Variants in RNF24 observed in about 807,000 individuals in gnomAD.
RNF24 encodes the protein ring finger protein 24.
Under a neutral mutation model 20.0 loss-of-function variants are expected in RNF24, and 14 were observed. The ratio of observed to expected loss-of-function variants is 0.70; its 90% CI spans 0.46 to 1.10. RNF24 has a LOEUF of 1.10. RNF24 is among the 50% of genes least tolerant of loss of function. RNF24 has a pLI of 0.00. For synonymous variants in RNF24, 45 were observed against 61.1 expected, an observed-to-expected ratio of 0.74 and a Z score of 1.23; for missense variants, 124 against 177.6, an observed-to-expected ratio of 0.70 and a Z score of 1.71.
intron 1 of RNF24, among the ~76,000 whole-genome samples, chr20:4,002,094 T>C (rs571429111): frequency 1.3e-5 from 2 of 150,834 alleles, no homozygotes; most frequent in South Asian, 4.2e-4. Context: ...CTACCAAAAA[T>C]ACAAAAATTA....
At chr20:4,013,750 G>T (rs1195433411) in intron 1 of RNF24, among the ~76,000 whole-genome samples, 1 of 152,162 alleles carries the variant, frequency 6.6e-6, no homozygotes, top group African/African-American at 2.4e-5. Context: ...CCCCCAAAGT[G>T]CTGGGATTAC....
At chr20:3,939,253 G>A (rs969457275) in intron 4 of RNF24, among the ~76,000 whole-genome samples, 1 of 152,106 alleles carries the variant, frequency 6.6e-6, no homozygotes, top group Non-Finnish European at 1.5e-5. Context: ...TCAGCCCCCT[G>A]AGGAGCTGGG....
intron 3 of RNF24, among the ~76,000 whole-genome samples, chr20:3,945,670 G>A (rs1178621494): frequency 2.0e-5 from 3 of 150,026 alleles, no homozygotes; most frequent in East Asian, 1.9e-4. Context: ...AGCCGAGATC[G>A]TGCCATTGCA....
intron 4 of RNF24, among the ~76,000 whole-genome samples, chr20:3,942,584 T>C (rs2090969886): frequency 6.6e-6 from 1 of 151,944 alleles, no homozygotes; most frequent in Non-Finnish European, 1.5e-5. Flanking sequence ...GCCATTCTCC[T>C]GCCTCAGCCT....
chr20:3,934,020 ACACAGACGTCGTGTCCAG>A lies in RNF24; in HGVS notation c.*25_*42del. Reference sequence around the variant, plus strand: ...CACCACATGTGTTCCTCCTGGCTCCACACAGACGTCGTGTCCAGCAACAGTCTGATCCTTGCGGTAAGC... The same window carrying A: ...CACCACATGTGTTCCTCCTGGCTCCACAACAGTCTGATCCTTGCGGTAAGC... On this transcript the variant is annotated 3_prime_UTR_variant, in exon 6 of 6. Transcript: ENST00000358395. This position sits in a 1 kb window ranked among gnomAD's most constrained non-coding sequence, Gnocchi z 4.0. The A allele has an allele frequency of 7.0e-7, 1 of 1,419,904 alleles. No individual in the cohort carries two copies. Among genetic ancestry groups the A allele is most frequent in the African/African-American group, 1.5e-5 (1 of 67,368 alleles). 88.0% of individuals were successfully genotyped at this position (1,419,904 alleles called of 1,614,324 possible). A position where few individuals can be genotyped will look rare whatever the true frequency, so the allele number is the denominator to read the frequency against.
At chr20:3,945,342 G>A in intron 3 of RNF24, 124 bp from the exon 4 acceptor site, 2 of 962,882 alleles carry the variant, frequency 2.1e-6, no homozygotes, top group Non-Finnish European at 3.0e-6. Context: ...CAATATTGAA[G>A]GGAATTTCTT....
intron 1 of RNF24, among the ~76,000 whole-genome samples, chr20:3,999,079 C>G (rs1485730902): frequency 6.6e-6 from 1 of 151,646 alleles, no homozygotes; most frequent in Non-Finnish European, 1.5e-5. Flanking sequence ...GACTCTGTCT[C>G]AAAAAACAAA....
intron 1 of RNF24, among the ~76,000 whole-genome samples, chr20:4,014,269 AAAGC>A (rs1982696466): frequency 6.6e-6 from 1 of 152,246 alleles, no homozygotes; most frequent in South Asian, 2.1e-4. Context: ...AGGGGAAAAA[AAAGC>A]AAGGAGGTAG....
At chr20:4,000,010 G>A (rs1266114292) in intron 1 of RNF24, among the ~76,000 whole-genome samples, 1 of 152,112 alleles carries the variant, frequency 6.6e-6, no homozygotes, top group African/African-American at 2.4e-5. Flanking sequence ...GAAGGGGGAG[G>A]AGCGGGGAGA....
intron 1 of RNF24, among the ~76,000 whole-genome samples, chr20:3,964,728 G>T (rs2143237): frequency 6.6e-6 from 1 of 152,066 alleles, no homozygotes; most frequent in Non-Finnish European, 1.5e-5. Context: ...ATGTTGCCTA[G>T]GCTGGTCTTG....
At chr20:3,977,986 A>G (rs946329061) in intron 1 of RNF24, among the ~76,000 whole-genome samples, 3 of 152,176 alleles carry the variant, frequency 2.0e-5, no homozygotes, top group Admixed American at 6.5e-5. Flanking sequence ...AGACACAAAG[A>G]ATAAGTTCTA....
intron 1 of RNF24, among the ~76,000 whole-genome samples, chr20:4,007,754 A>G (rs576281243): frequency 4.2e-4 from 63 of 150,974 alleles, no homozygotes; most frequent in Middle Eastern, 3.4e-3. Flanking sequence ...AAAAAAAAAA[A>G]AAAGAAAAAA....
At chr20:4,005,625 T>C (rs1043743515) in intron 1 of RNF24, among the ~76,000 whole-genome samples, 7 of 152,208 alleles carry the variant, frequency 4.6e-5, no homozygotes, top group African/African-American at 1.7e-4. Flanking sequence ...AAAGAGACTA[T>C]TTAGATATAA....
At chr20:3,998,626 T>A (rs532360432) in intron 1 of RNF24, among the ~76,000 whole-genome samples, 1 of 133,246 alleles carries the variant, frequency 7.5e-6, no homozygotes, top group African/African-American at 2.9e-5. Flanking sequence ...CGTGGTGGCG[T>A]GTGCCTGTAA....
At chr20:3,944,430 C>G (rs779920039) in intron 4 of RNF24, among the ~76,000 whole-genome samples, 1 of 152,160 alleles carries the variant, frequency 6.6e-6, no homozygotes, top group Non-Finnish European at 1.5e-5. Context: ...AAGAGACTGG[C>G]AATTTAGCTT....
intron 1 of RNF24, among the ~76,000 whole-genome samples, chr20:3,982,135 C>CTCTCTCTCTCTCT (rs1555799853): frequency 6.7e-6 from 1 of 149,436 alleles, no homozygotes; most frequent in African/African-American, 2.5e-5. Flanking sequence ...CTCTCTCTCT[C>CTCTCTCTCTCTCT]AATAAATAAA....
chr20:4,011,529 C>G (rs1191348350), intron 1 of RNF24, among the ~76,000 whole-genome samples: 1 of 152,154 alleles, frequency 6.6e-6, no homozygotes, highest in Non-Finnish European at 1.5e-5. Context: ...AGAGAGGGGG[C>G]TCCAGCAGGA....
chr20:3,976,270 G>A lies in RNF24; in HGVS notation c.-7-12246C>T, dbSNP rs73588483. Among the ~76,000 whole-genome samples the A allele has an allele frequency of 7.5e-3, 1,144 of 152,262 alleles. 12 individuals are homozygous for A. Among genetic ancestry groups the A allele is most frequent in the African/African-American group, 0.025 (1,055 of 41,544 alleles). ...ACAGATGGTAAATAAGTACATAAAC[G>A]TATGTTCAAAATCATTAGCTATTAG... On this transcript the variant is annotated intron_variant, in intron 1 of 5. Coordinates refer to ENST00000358395, the MANE Select transcript of RNF24 (RefSeq NM_001134337.3).
At chr20:3,962,679 T>C (rs918768816) in intron 2 of RNF24, among the ~76,000 whole-genome samples, 4 of 151,656 alleles carry the variant, frequency 2.6e-5, no homozygotes, top group Admixed American at 1.3e-4. Flanking sequence ...ATGATATTTA[T>C]ATCCCATTGT....
Sources: gnomAD v4.1 joint callset for allele counts (sites outside exome capture counted in the v4.1 genomes callset) on GRCh38, gnomAD v4.1.1 for gene constraint, Gnocchi (gnomAD v3.1) non-coding constraint, MANE v1.5 for transcripts, NCBI Gene and HGNC (gene_info 2026-07-23, HGNC 2026-07-21) for gene names.